Variants in VPS13B observed in about 807,000 individuals in gnomAD.
The protein encoded by VPS13B is vacuolar protein sorting 13 homolog B, also known as intermembrane lipid transfer protein VPS13B.
In VPS13B, 285 loss-of-function variants were observed where a neutral mutation model predicts 426.4. The ratio of observed to expected loss-of-function variants is 0.67; its 90% CI spans 0.61 to 0.74. The LOEUF is 0.74. Ranked by LOEUF, VPS13B falls within the 30% of genes least tolerant of loss-of-function variation. The probability of loss-of-function intolerance (pLI) is 0.00; values close to 1 mark genes in which losing one functional copy is unlikely to be tolerated. For missense variants in VPS13B, 4,537 were observed against 4,782.6 expected (o/e 0.95, Z 1.51); for synonymous variants, 1,676 against 1,676.4 (o/e 1.00, Z 0.01).
chr8:99,715,984 CTT>C (rs1202267766), intron 36 of VPS13B, among the ~76,000 whole-genome samples: 1 of 151,734 alleles, frequency 6.6e-6, no homozygotes, highest in East Asian at 1.9e-4. Context: ...TTCTGGAGTG[CTT>C]TTTTTGCTTG....
intron 33 of VPS13B, among the ~76,000 whole-genome samples, chr8:99,601,223 C>A (rs1827285699): frequency 6.6e-6 from 1 of 152,066 alleles, no homozygotes; most frequent in Non-Finnish European, 1.5e-5. Flanking sequence ...TTGTTCAACT[C>A]CTACCTATGA....
intron 25 of VPS13B, 141 bp from the exon 26 acceptor site, chr8:99,501,546 A>C (rs998971073): frequency 1.2e-6 from 1 of 815,764 alleles, no homozygotes; most frequent in South Asian, 1.8e-5. Context: ...ATGTATTGGT[A>C]TTAACATTTA....
intron 33 of VPS13B, among the ~76,000 whole-genome samples, chr8:99,634,273 A>G (rs1037472344): frequency 3.2e-4 from 48 of 151,988 alleles, no homozygotes; most frequent in African/African-American, 1.1e-3. Flanking sequence ...TCTAGGTGTT[A>G]TAGTCAGTTT....
At chr8:99,846,924 A>G (rs183614385) in intron 54 of VPS13B, among the ~76,000 whole-genome samples, 26 of 152,360 alleles carry the variant, frequency 1.7e-4, no homozygotes, top group African/African-American at 6.0e-4. Context: ...AGGAAAAGGA[A>G]TATGAGATGG....
rs935145904 is a variant in VPS13B, at chr8:99,164,530, TA to T, written c.2209-5506del. Among the ~76,000 whole-genome samples, 10 of 152,290 alleles carry T rather than the reference TA, an allele frequency of 6.6e-5. No individual in the cohort carries two copies. The South Asian group carries it at 1.0e-3, about 16-fold the overall frequency. On this transcript the variant is annotated intron_variant, in intron 15 of 61. Transcript: ENST00000357162. Reference sequence around the variant, plus strand: ...CTGCCAAAGAGTCTATTTGGGATTGTAAAGTAAGGATAGATTTCGTTATTTC... The same window carrying T: ...CTGCCAAAGAGTCTATTTGGGATTGTAAGTAAGGATAGATTTCGTTATTTC...
chr8:99,603,356 T>C (rs1398076147), intron 33 of VPS13B, among the ~76,000 whole-genome samples: 1 of 152,240 alleles, frequency 6.6e-6, no homozygotes, highest in African/African-American at 2.4e-5. Context: ...ATGTTTTTCC[T>C]GCACATACAT....
Position 99,115,877 on chromosome 8 carries a change from A to T in VPS13B, c.937+3A>T. On this transcript the variant is annotated splice_donor_region_variant and intron_variant, in intron 7 of 61. Coordinates refer to ENST00000357162, the MANE Select transcript of VPS13B (RefSeq NM_152564.5). ...AGATATGCTAGGAAACATTACAGGT[A>T]ATGTAAAACTTTATTAAACAAAAAC... The T allele has an allele frequency of 1.2e-6, 2 of 1,610,932 alleles. No homozygotes were observed. The highest frequency in any genetic ancestry group is 1.7e-6 in the Non-Finnish European group (2 of 1,179,094).
intron 31 of VPS13B, among the ~76,000 whole-genome samples, chr8:99,568,284 A>AT (rs1563800927): frequency 1.4e-5 from 2 of 147,906 alleles, no homozygotes; most frequent in Non-Finnish European, 3.0e-5. Flanking sequence ...AACTATTATT[A>AT]TTATTATTAT....
chr8:99,517,957 G>A (rs1822176771), intron 29 of VPS13B, among the ~76,000 whole-genome samples: 1 of 151,140 alleles, frequency 6.6e-6, no homozygotes, highest in South Asian at 2.1e-4. Context: ...ATTTTGATAA[G>A]TTGAATACTT....
In VPS13B at chr8:99,135,775, G is replaced by A. The variant is rs1280100504; in HGVS notation, c.1563+42G>A. ...TTGAACCAAATTCTAGGCTGTGTTT[G>A]GGTGGACACATTGTATGAATACTTG... On this transcript the variant is annotated intron_variant, in intron 11 of 61. Coordinates refer to ENST00000357162, the MANE Select transcript of VPS13B (RefSeq NM_152564.5). The A allele has an allele frequency of 1.9e-6, 3 of 1,610,586 alleles. No homozygotes were observed. The African/African-American group carries it at 4.0e-5, about 22-fold the overall frequency.
At chr8:99,377,772 G>T (rs1588308547) in intron 19 of VPS13B, among the ~76,000 whole-genome samples, 1 of 152,160 alleles carries the variant, frequency 6.6e-6, no homozygotes, top group African/African-American at 2.4e-5. Context: ...CCCCTGAGCT[G>T]TAAAACCAGC....
chr8:99,080,017 T>G (rs1385103274), intron 3 of VPS13B, among the ~76,000 whole-genome samples: 3 of 150,700 alleles, frequency 2.0e-5, no homozygotes, highest in African/African-American at 7.3e-5. Flanking sequence ...TAATTAATAA[T>G]GTGTAAATAT....
At position 99,074,190 on chromosome 8, in the gene VPS13B, G is replaced by A. The variant is rs372524170; in HGVS notation, c.292-22122G>A. 3.9e-5 allele frequency among the ~76,000 whole-genome samples: 6 copies of A among 152,224 alleles called. No homozygotes were observed. The South Asian group carries it at 8.3e-4, about 21-fold the overall frequency. On this transcript the variant is annotated intron_variant, in intron 3 of 61. Transcript: ENST00000357162. ...CATTTCAGTATGATAGTAGCTGTGG[G>A]TTTGTCATATATGGCCTTTATTATG... is the stretch of plus-strand genomic sequence containing the variant.
At chr8:99,728,387 G>A (rs1487524131) in intron 39 of VPS13B, among the ~76,000 whole-genome samples, 1 of 152,186 alleles carries the variant, frequency 6.6e-6, no homozygotes, top group Non-Finnish European at 1.5e-5. Flanking sequence ...GTTATGAGGA[G>A]TGGGGATAAT....
intron 21 of VPS13B, among the ~76,000 whole-genome samples, chr8:99,394,987 A>G (rs965989492): frequency 6.6e-6 from 1 of 152,246 alleles, no homozygotes; most frequent in African/African-American, 2.4e-5. Flanking sequence ...TAAACAACTA[A>G]CAAACTGGAT....
chr8:99,539,633 G>C (rs1187542861), intron 30 of VPS13B, among the ~76,000 whole-genome samples: 1 of 152,088 alleles, frequency 6.6e-6, no homozygotes, highest in Non-Finnish European at 1.5e-5. Context: ...AGCTACTTGG[G>C]AGGCTGAGGC....
intron 35 of VPS13B, among the ~76,000 whole-genome samples, chr8:99,669,184 C>G (rs1430090055): frequency 1.3e-5 from 2 of 152,118 alleles, no homozygotes; most frequent in Non-Finnish European, 2.9e-5. Context: ...GGTATGACAT[C>G]ATACAGAAAT....
intron 39 of VPS13B, among the ~76,000 whole-genome samples, chr8:99,739,969 G>A (rs1242499567): frequency 1.3e-5 from 2 of 152,184 alleles, no homozygotes; most frequent in Non-Finnish European, 2.9e-5. Flanking sequence ...AAAGCTAGAT[G>A]GAGAATGAGT....
intron 21 of VPS13B, among the ~76,000 whole-genome samples, chr8:99,424,109 A>C (rs1816542947): frequency 6.6e-6 from 1 of 152,142 alleles, no homozygotes; most frequent in Non-Finnish European, 1.5e-5. Flanking sequence ...GGGTGCATAT[A>C]TATTTAGGAT....
Sources: gnomAD v4.1 joint callset for allele counts (sites outside exome capture counted in the v4.1 genomes callset) on GRCh38, gnomAD v4.1.1 for gene constraint, MANE v1.5 for transcripts, NCBI Gene and HGNC (gene_info 2026-07-23, HGNC 2026-07-21) for gene names.